The following SAMMSON variants were observed in gnomAD, a reference collection of about 807,000 sequenced individuals.
The protein encoded by SAMMSON is survival associated mitochondrial melanoma specific oncogenic non-coding RNA, also known as long intergenic non-protein coding RNA 1212.
At chr3:70,081,148 C>T (rs866666106) in intron 4 of SAMMSON, among the ~76,000 whole-genome samples, 84 of 152,324 alleles carry the variant, frequency 5.5e-4, no homozygotes, top group African/African-American at 1.9e-3. Flanking sequence ...GAGTCTCACT[C>T]TGTCACCCAG....
intron 4 of SAMMSON, among the ~76,000 whole-genome samples, chr3:70,234,124 C>T (rs568468766): frequency 6.6e-6 from 1 of 152,210 alleles, no homozygotes; most frequent in South Asian, 2.1e-4. Context: ...TAATGAGACC[C>T]AGAAATATCT....
chr3:70,420,463 G>C, intron 2 of SAMMSON, among the ~76,000 whole-genome samples: 1 of 152,140 alleles, frequency 6.6e-6, no homozygotes, highest in South Asian at 2.1e-4. Flanking sequence ...TAATGTACGA[G>C]AACCACTATC....
At chr3:70,104,942 A>C (rs1003844034) in intron 4 of SAMMSON, among the ~76,000 whole-genome samples, 2 of 152,138 alleles carry the variant, frequency 1.3e-5, no homozygotes, top group Admixed American at 6.5e-5. Flanking sequence ...AGCCTCAACT[A>C]TTCTATTTAA....
intron 6 of SAMMSON, among the ~76,000 whole-genome samples, chr3:70,277,462 C>T (rs915889249): frequency 2.0e-5 from 3 of 152,100 alleles, no homozygotes; most frequent in South Asian, 2.1e-4. Flanking sequence ...ACTATAATGA[C>T]GGCTCTTGAT....
intron 3 of SAMMSON, among the ~76,000 whole-genome samples, chr3:70,049,711 CAACAT>C (rs1368896821): frequency 6.6e-6 from 1 of 152,008 alleles, no homozygotes; most frequent in East Asian, 1.9e-4. Flanking sequence ...AATTCTCAAA[CAACAT>C]GACAGGAAAT....
chr3:70,049,954 A>G (rs2067140266), intron 3 of SAMMSON, among the ~76,000 whole-genome samples: 1 of 152,120 alleles, frequency 6.6e-6, no homozygotes, highest in Non-Finnish European at 1.5e-5. Flanking sequence ...CCCCATTCAC[A>G]TTTAAATATG....
chr3:70,410,478 C>T (rs1388815598), intron 2 of SAMMSON, among the ~76,000 whole-genome samples: 1 of 152,140 alleles, frequency 6.6e-6, no homozygotes, highest in Non-Finnish European at 1.5e-5. Flanking sequence ...GCATTTAGAA[C>T]ATGACTTCCA....
intron 4 of SAMMSON, among the ~76,000 whole-genome samples, chr3:70,228,960 A>C (rs1358760542): frequency 6.6e-6 from 1 of 152,286 alleles, no homozygotes; most frequent in East Asian, 1.9e-4. Flanking sequence ...AGCAGAGTCC[A>C]GTGAAGAAAC....
intron 4 of SAMMSON, among the ~76,000 whole-genome samples, chr3:70,243,686 G>A (rs1197201183): frequency 6.6e-6 from 1 of 152,084 alleles, no homozygotes; most frequent in East Asian, 1.9e-4. Context: ...ACGTCTCCAG[G>A]TATTCCTAAC....
chr3:70,001,231 GA>G (rs2066904539), intron 1 of SAMMSON, among the ~76,000 whole-genome samples: 2 of 151,928 alleles, frequency 1.3e-5, no homozygotes, highest in Non-Finnish European at 2.9e-5. Flanking sequence ...TCAGGCACTT[GA>G]AAAAAATTAA....
At chr3:70,368,025 T>C (rs1702935141) in intron 9 of SAMMSON, among the ~76,000 whole-genome samples, 1 of 151,372 alleles carries the variant, frequency 6.6e-6, no homozygotes, top group Admixed American at 6.6e-5. Context: ...TTCTATCAGA[T>C]ATGTTTTCTG....
At chr3:70,276,561 C>A (rs1321589645) in intron 6 of SAMMSON, among the ~76,000 whole-genome samples, 10 of 152,164 alleles carry the variant, frequency 6.6e-5, no homozygotes, top group Admixed American at 6.5e-4. Flanking sequence ...CATATGCAAT[C>A]TGTGCTTTGT....
At chr3:70,339,935 C>A (rs1172622168) in intron 7 of SAMMSON, among the ~76,000 whole-genome samples, 1 of 152,068 alleles carries the variant, frequency 6.6e-6, no homozygotes, top group Non-Finnish European at 1.5e-5. Context: ...AATCATGCTG[C>A]TATAAAGACA....
intron 3 of SAMMSON, among the ~76,000 whole-genome samples, chr3:70,063,517 C>T (rs74450259): frequency 0.023 from 3,519 of 152,154 alleles, 60 homozygotes; most frequent in Non-Finnish European, 0.037. Flanking sequence ...AGGTAGGATC[C>T]GTGTGCCTCC....
intron 4 of SAMMSON, among the ~76,000 whole-genome samples, chr3:70,207,624 C>T (rs1701305028): frequency 6.6e-6 from 1 of 151,406 alleles, no homozygotes; most frequent in African/African-American, 2.4e-5. Context: ...TGAAAATATT[C>T]AGAAAAAGCT....
At chr3:70,270,840 C>T (rs1701969146) in intron 6 of SAMMSON, among the ~76,000 whole-genome samples, 1 of 151,982 alleles carries the variant, frequency 6.6e-6, no homozygotes, top group Non-Finnish European at 1.5e-5. Flanking sequence ...GCAATTAGAA[C>T]ACATGGACAC....
At chr3:70,061,993 CTG>C (rs1301537315) in intron 3 of SAMMSON, among the ~76,000 whole-genome samples, 1 of 152,160 alleles carries the variant, frequency 6.6e-6, no homozygotes, top group Admixed American at 6.6e-5. Context: ...CATTCGTTCT[CTG>C]CAGTATTTTT....
chr3:70,119,958 A>G (rs2067425985), intron 4 of SAMMSON, among the ~76,000 whole-genome samples: 1 of 152,120 alleles, frequency 6.6e-6, no homozygotes, highest in African/African-American at 2.4e-5. Context: ...TATTATTATT[A>G]TTATTTTTAA....
chr3:70,021,428 A>C (rs2067012983), intron 3 of SAMMSON, among the ~76,000 whole-genome samples: 1 of 152,204 alleles, frequency 6.6e-6, no homozygotes, highest in African/African-American at 2.4e-5. Flanking sequence ...GAAAATGATG[A>C]AGTTCATCCA....
Sources: gnomAD v4.1 joint callset for allele counts (sites outside exome capture counted in the v4.1 genomes callset) on GRCh38, gnomAD v4.1.1 for gene constraint, MANE v1.5 for transcripts, NCBI Gene and HGNC (gene_info 2026-07-23, HGNC 2026-07-21) for gene names.